CELF2: variants seen among roughly 807,000 people sequenced by gnomAD.
CELF2 encodes CUG triplet repeat RNA-binding protein 2.
In CELF2, 8 loss-of-function variants were observed where a neutral mutation model predicts 62.6. The observed-to-expected ratio is 0.13, with a 90% CI of 0.07 to 0.23. CELF2 has a LOEUF of 0.23. Ranked by LOEUF, CELF2 falls within the 10% of genes least tolerant of loss-of-function variation. The pLI is 1.00. For missense variants in CELF2, 333 were observed against 671.0 expected (o/e 0.50, Z 5.56); for synonymous variants, 258 against 250.0 (o/e 1.03, Z -0.30).
At chr10:10,651,601 G>C in the CELF2 span, among the ~76,000 whole-genome samples, 4 of 138,444 alleles carry the variant, frequency 2.9e-5, no homozygotes, top group South Asian at 1.1e-3. Flanking sequence ...GCACCCCCCA[G>C]CAGGGGCACA....
rs1460664096 is a variant in CELF2 at position 11,214,389 on chromosome 10, C to T, written c.272-3036C>T. Among the ~76,000 whole-genome samples, 1 of 152,204 alleles carries T rather than the reference C, an allele frequency of 6.6e-6. No homozygotes were observed. The highest frequency in any genetic ancestry group is 1.5e-5 in the Non-Finnish European group (1 of 68,036). ...ACTAAATGTGAAAAACCAAAAGAAG[C>T]CTCTGGGGTTAGTATTCCCAGTCTC... On this transcript the variant is annotated intron_variant, in intron 2 of 12. Coordinates refer to ENST00000633077, the MANE Select transcript of CELF2 (RefSeq NM_001326342.2). The surrounding 1 kb of genome is among the most constrained non-coding windows in gnomAD (Gnocchi z 4.2).
chr10:10,829,707 C>T (rs1229633277), intron 1 of CELF2, among the ~76,000 whole-genome samples: 1 of 152,086 alleles, frequency 6.6e-6, no homozygotes, highest in Non-Finnish European at 1.5e-5. Context: ...TCTTCTGCCT[C>T]TAGGACTCAA....
At chr10:10,624,621 A>C in the CELF2 span, among the ~76,000 whole-genome samples, 1 of 152,162 alleles carries the variant, frequency 6.6e-6, no homozygotes, top group South Asian at 2.1e-4. Flanking sequence ...TGTTTTCCGC[A>C]CAGAAACCTA....
chr10:10,562,513 AT>A, the CELF2 span, among the ~76,000 whole-genome samples: 1 of 152,136 alleles, frequency 6.6e-6, no homozygotes, highest in Non-Finnish European at 1.5e-5. Flanking sequence ...AGGTTAAGTA[AT>A]TTGCAGAGAG....
the CELF2 span, among the ~76,000 whole-genome samples, chr10:10,731,011 G>T: frequency 1.3e-5 from 2 of 152,128 alleles, no homozygotes; most frequent in Non-Finnish European, 2.9e-5. Flanking sequence ...GAGTGGCTAC[G>T]AATATTTCCC....
chr10:10,628,010 C>A, the CELF2 span, among the ~76,000 whole-genome samples: 1 of 152,192 alleles, frequency 6.6e-6, no homozygotes, highest in African/African-American at 2.4e-5. Context: ...TCAAGCAATT[C>A]TCCTGCCTCA....
At chr10:10,703,088 C>T in the CELF2 span, among the ~76,000 whole-genome samples, 1 of 152,204 alleles carries the variant, frequency 6.6e-6, no homozygotes, top group African/African-American at 2.4e-5. Flanking sequence ...TTCTTCAGAA[C>T]CTGCAGGTGT....
the CELF2 span, among the ~76,000 whole-genome samples, chr10:10,698,429 C>G: frequency 2.0e-4 from 31 of 152,282 alleles, no homozygotes; most frequent in African/African-American, 6.7e-4. Context: ...ATAAGAAAGA[C>G]AAAACCTATG....
chr10:10,498,768 A>T, the CELF2 span, among the ~76,000 whole-genome samples: 2 of 152,204 alleles, frequency 1.3e-5, no homozygotes, highest in Non-Finnish European at 2.9e-5. Flanking sequence ...TTGCAGCAAA[A>T]ATTTGATTAA....
chr10:11,172,410 T>C (rs975432346), intron 2 of CELF2, among the ~76,000 whole-genome samples: 2 of 152,234 alleles, frequency 1.3e-5, no homozygotes, highest in Non-Finnish European at 1.5e-5. Context: ...GATATAACAA[T>C]TCATTTTATG....
chr10:10,872,343 C>T (rs1436929598), intron 1 of CELF2, among the ~76,000 whole-genome samples: 1 of 152,130 alleles, frequency 6.6e-6, no homozygotes, highest in Non-Finnish European at 1.5e-5. Flanking sequence ...TAACTTCTCA[C>T]TTGTTTTTAA....
rs1038668160 is a variant in CELF2 at position 11,237,768 on chromosome 10, C to A, written c.355-11385C>A. Among the ~76,000 whole-genome samples, 7 of 152,108 alleles carry A rather than the reference C, an allele frequency of 4.6e-5. No individual in the cohort carries two copies. Among genetic ancestry groups the A allele is most frequent in the Non-Finnish European group, 1.0e-4 (7 of 68,012 alleles). On this transcript the variant is annotated intron_variant, in intron 3 of 12. Transcript: ENST00000633077. This position sits in a 1 kb window ranked among gnomAD's most constrained non-coding sequence, Gnocchi z 4.0. The stretch of plus-strand genomic sequence containing the variant: ...GGGAGGGCACCGAAGGCTGAGGGAG[C>A]ACTGAGGCCCCAGGCAGCGTCACGG...
the CELF2 span, among the ~76,000 whole-genome samples, chr10:10,783,134 T>C: frequency 7.6e-4 from 115 of 152,284 alleles, no homozygotes; most frequent in Non-Finnish European, 7.4e-5. Context: ...TTCTTTCGGG[T>C]GGCAGAAAAG....
At chr10:11,107,450 C>T (rs776482248) in intron 1 of CELF2, among the ~76,000 whole-genome samples, 9 of 151,988 alleles carry the variant, frequency 5.9e-5, no homozygotes, top group Admixed American at 1.3e-4. Flanking sequence ...AGAGTTTGGC[C>T]GCTTAGATGC....
chr10:10,608,926 G>T, the CELF2 span, among the ~76,000 whole-genome samples: 75,044 of 151,942 alleles, frequency 0.49, 18,913 homozygotes, highest in South Asian at 0.74. Flanking sequence ...GTATTGGAAA[G>T]TATAAACGCT....
the CELF2 span, among the ~76,000 whole-genome samples, chr10:10,557,534 T>C: frequency 2.7e-5 from 4 of 147,098 alleles, no homozygotes; most frequent in African/African-American, 7.7e-5. Context: ...TTTGGTTCCA[T>C]ATGAACTTTA....
the CELF2 span, among the ~76,000 whole-genome samples, chr10:10,648,344 C>T: frequency 0.27 from 41,396 of 152,022 alleles, 5,866 homozygotes; most frequent in South Asian, 0.46. Flanking sequence ...TGTCTGTCTG[C>T]CTTTACTAGG....
the CELF2 span, among the ~76,000 whole-genome samples, chr10:10,462,615 CTTTTTTTTTTT>C: frequency 1.4e-5 from 1 of 69,414 alleles, no homozygotes; most frequent in South Asian, 7.0e-4. Flanking sequence ...TTTTTTTCAT[CTTTTTTTTTTT>C]TTTTTTTTTT....
At chr10:10,521,248 G>A in the CELF2 span, among the ~76,000 whole-genome samples, 96 of 152,238 alleles carry the variant, frequency 6.3e-4, no homozygotes, top group Admixed American at 7.9e-4. Flanking sequence ...CACAGTTACC[G>A]CAGATCAACA....
Sources: gnomAD v4.1 joint callset for allele counts (sites outside exome capture counted in the v4.1 genomes callset) on GRCh38, gnomAD v4.1.1 for gene constraint, Gnocchi (gnomAD v3.1) non-coding constraint, MANE v1.5 for transcripts, NCBI Gene and HGNC (gene_info 2026-07-23, HGNC 2026-07-21) for gene names.